Variants in GNG4 observed in about 807,000 individuals in gnomAD.
GNG4 encodes G protein subunit gamma 4.
A neutral mutation model predicts 5.8 loss-of-function variants in GNG4; 4 were observed. That is an observed-to-expected ratio of 0.69 (90% CI 0.34 to 1.57). GNG4 has a LOEUF of 1.57. Among genes scored for constraint, GNG4 ranks in the 40% most tolerant of loss-of-function variants. The pLI, the probability that GNG4 is intolerant of heterozygous loss-of-function variation, is 0.06. For synonymous variants in GNG4, 29 were observed against 32.9 expected, an observed-to-expected ratio of 0.88 and a Z score of 0.41; for missense variants, 96 against 95.1, an observed-to-expected ratio of 1.01 and a Z score of -0.04.
At chr1:235,554,958 T>C (rs555873228) in intron 3 of GNG4, among the ~76,000 whole-genome samples, 1 of 152,228 alleles carries the variant, frequency 6.6e-6, no homozygotes, top group East Asian at 1.9e-4. Context: ...TCCAGTTTCA[T>C]CTGAATTCTC....
intron 1 of GNG4, among the ~76,000 whole-genome samples, chr1:235,624,569 C>T (rs1688773145): frequency 6.6e-6 from 1 of 152,168 alleles, no homozygotes; most frequent in East Asian, 1.9e-4. Flanking sequence ...TAGCATTATT[C>T]AAGAAGAATG....
intron 1 of GNG4, among the ~76,000 whole-genome samples, chr1:235,595,747 G>A (rs556655807): frequency 6.6e-6 from 1 of 152,270 alleles, no homozygotes; most frequent in African/African-American, 2.4e-5. Flanking sequence ...AGGCCACCCC[G>A]GGCCTCACCA....
At chr1:235,556,103 G>A (rs898322747) in intron 3 of GNG4, among the ~76,000 whole-genome samples, 3 of 151,978 alleles carry the variant, frequency 2.0e-5, no homozygotes, top group East Asian at 2.0e-4. Flanking sequence ...CTGACCTCAG[G>A]TGATCTGCCC....
At chr1:235,617,539 G>A (rs111880116) in intron 1 of GNG4, among the ~76,000 whole-genome samples, 4,742 of 152,252 alleles carry the variant, frequency 0.031, 263 homozygotes, top group African/African-American at 0.11. Flanking sequence ...GAGTCTACAA[G>A]GAAACAATGT....
rs1463994511 is a variant in GNG4 at position 235,547,924 on chromosome 1, T to C, written c.*4185A>G. 2 of 152,218 alleles carry C rather than the reference T, an allele frequency of 1.3e-5. No homozygotes were observed. Among genetic ancestry groups the C allele is most frequent in the Non-Finnish European group, 2.9e-5 (2 of 68,042 alleles). 9.4% of individuals were successfully genotyped at this position (152,218 alleles called of 1,614,324 possible). A position where few individuals can be genotyped will look rare whatever the true frequency, so the allele number is the denominator to read the frequency against. On this transcript the variant is annotated 3_prime_UTR_variant, in exon 4 of 4. Transcript: ENST00000391854. ...ATGAATTTTGCTGGGTTTTAAACTTTATATAAATGGAATCCTATGGTGCAT... is the reference window on the plus strand; with the variant it reads ...ATGAATTTTGCTGGGTTTTAAACTTCATATAAATGGAATCCTATGGTGCAT...
At chr1:235,605,963 T>A (rs114782182) in intron 1 of GNG4, among the ~76,000 whole-genome samples, 7 of 144,008 alleles carry the variant, frequency 4.9e-5, no homozygotes, top group South Asian at 4.4e-4. Context: ...TGTGGGGGGG[T>A]GGGTCTCACT....
intron 1 of GNG4, among the ~76,000 whole-genome samples, chr1:235,616,905 ATTTTTTT>A (rs553175038): frequency 3.5e-5 from 4 of 115,796 alleles, no homozygotes; most frequent in South Asian, 2.9e-4. Context: ...CACCTGGCTA[ATTTTTTT>A]TTTTTTTTTT....
intron 3 of GNG4, among the ~76,000 whole-genome samples, chr1:235,572,437 TGATCCA>T (rs1687368626): frequency 6.6e-6 from 1 of 151,942 alleles, no homozygotes; most frequent in Non-Finnish European, 1.5e-5. Flanking sequence ...TGACCTCAGG[TGATCCA>T]CCCACCTTGG....
At chr1:235,609,442 G>A (rs1053864434) in intron 1 of GNG4, among the ~76,000 whole-genome samples, 5 of 152,016 alleles carry the variant, frequency 3.3e-5, no homozygotes, top group Admixed American at 6.6e-5. Flanking sequence ...CATCCTCGTG[G>A]GTGTGAAGTG....
chr1:235,600,302 A>G (rs1266446570), intron 1 of GNG4, among the ~76,000 whole-genome samples: 1 of 151,662 alleles, frequency 6.6e-6, no homozygotes, highest in African/African-American at 2.4e-5. Flanking sequence ...TTTAGTAGAT[A>G]TGGAGTTTCA....
chr1:235,579,947 A>G (rs1048064734), intron 3 of GNG4, among the ~76,000 whole-genome samples: 1 of 152,126 alleles, frequency 6.6e-6, no homozygotes, highest in African/African-American at 2.4e-5. Context: ...AAAGACTCCA[A>G]CAGATACCTG....
chr1:235,555,270 T>C (rs918300600), intron 3 of GNG4, among the ~76,000 whole-genome samples: 4 of 152,178 alleles, frequency 2.6e-5, no homozygotes, highest in Non-Finnish European at 5.9e-5. Context: ...GGGCAATCAC[T>C]GGACTTCTGG....
At position 235,644,448 on chromosome 1, in the gene GNG4, C is replaced by T. The variant is rs575630497; in HGVS notation, c.-123+5214G>A. Among the ~76,000 whole-genome samples, 15 of 152,352 alleles carry T rather than the reference C, an allele frequency of 9.8e-5. No homozygotes were observed. The highest frequency in any genetic ancestry group is 9.6e-4 in the East Asian group (5 of 5,188). ...TGCCCTTGGGCATGAGCAAGCCTGA[C>T]GCTGTCTCTCATCCTGGTAACACCT... On this transcript the variant is annotated intron_variant, in intron 1 of 3. Coordinates refer to ENST00000391854, the MANE Select transcript of GNG4 (RefSeq NM_001098722.2). This position sits in a 1 kb window ranked among gnomAD's most constrained non-coding sequence, Gnocchi z 5.9.
chr1:235,590,942 T>C (rs1026803656), intron 2 of GNG4, among the ~76,000 whole-genome samples: 2 of 152,164 alleles, frequency 1.3e-5, no homozygotes, highest in African/African-American at 4.8e-5. Context: ...ATGAATCACC[T>C]GAGGATTTTA....
chr1:235,616,440 G>C (rs892770151), intron 1 of GNG4: 2 of 272,130 alleles, frequency 7.3e-6, no homozygotes, highest in Non-Finnish European at 1.4e-5. Context: ...TCAGGCCCTG[G>C]GCTGCCCGAT....
rs555749991 is a variant in GNG4, at chr1:235,649,338, G to A, written c.-123+324C>T. Among the ~76,000 whole-genome samples, 1 of 152,302 alleles carries A rather than the reference G, an allele frequency of 6.6e-6. No individual in the cohort carries two copies. The highest frequency in any genetic ancestry group is 2.4e-5 in the African/African-American group (1 of 41,580). ...TCTGTGACCTACAAATGGAAGAGGGGACCCCCGAGCCCCCGCCTGCCTCAT... is the reference window on the plus strand; with the variant it reads ...TCTGTGACCTACAAATGGAAGAGGGAACCCCCGAGCCCCCGCCTGCCTCAT... On this transcript the variant is annotated intron_variant, in intron 1 of 3. Coordinates refer to ENST00000391854, the MANE Select transcript of GNG4 (RefSeq NM_001098722.2). This position sits in a 1 kb window ranked among gnomAD's most constrained non-coding sequence, Gnocchi z 5.7.
At chr1:235,574,563 C>T (rs1687428586) in intron 3 of GNG4, among the ~76,000 whole-genome samples, 1 of 151,776 alleles carries the variant, frequency 6.6e-6, no homozygotes, top group Admixed American at 6.6e-5. Flanking sequence ...GTTCGAGCCA[C>T]TCTCATTTAT....
chr1:235,607,248 T>C (rs1284046014), intron 1 of GNG4, among the ~76,000 whole-genome samples: 2 of 152,158 alleles, frequency 1.3e-5, no homozygotes, highest in Non-Finnish European at 2.9e-5. Context: ...CACCCAGCCC[T>C]GAAGGTTTCT....
chr1:235,615,926 C>G, intron 1 of GNG4: 1 of 297,450 alleles, frequency 3.4e-6, no homozygotes, highest in Non-Finnish European at 6.5e-6. Context: ...AAGGTGTCCA[C>G]TACTTTATCA....
Sources: allele counts gnomAD v4.1 joint callset (sites outside exome capture counted in the v4.1 genomes callset), GRCh38; gene constraint gnomAD v4.1.1; non-coding constraint Gnocchi (gnomAD v3.1); transcripts MANE v1.5; gene names NCBI Gene and HGNC (gene_info 2026-07-23, HGNC 2026-07-21).